PDE4D: variants seen among roughly 807,000 people sequenced by gnomAD.
PDE4D encodes the protein phosphodiesterase 4D.
Under a neutral mutation model 87.4 loss-of-function variants are expected in PDE4D, and 24 were observed. The observed-to-expected ratio is 0.27, with a 90% confidence interval of 0.20 to 0.39. The LOEUF (loss-of-function observed/expected upper bound fraction) is 0.39, where lower values mean the gene tolerates loss of function less well. Ranked by LOEUF, PDE4D falls within the 10% of genes least tolerant of loss-of-function variation. The probability of loss-of-function intolerance (pLI) is 1.00; values close to 1 mark genes in which losing one functional copy is unlikely to be tolerated. For missense variants in PDE4D, 714 were observed against 1,041.0 expected (o/e 0.69, Z 4.32); for synonymous variants, 384 against 383.2 (o/e 1.00, Z -0.02).
At chr5:60,159,350 G>T (rs1038533452) in intron 2 of PDE4D, among the ~76,000 whole-genome samples, 1 of 151,948 alleles carries the variant, frequency 6.6e-6, no homozygotes, top group Non-Finnish European at 1.5e-5. Flanking sequence ...CTAAAACAAT[G>T]ATTAAAAAGT....
intron 1 of PDE4D, among the ~76,000 whole-genome samples, chr5:60,198,181 ACT>A (rs1741493771): frequency 6.6e-6 from 1 of 151,264 alleles, no homozygotes; most frequent in Non-Finnish European, 1.5e-5. Context: ...TTTTCAATAT[ACT>A]CTTTTTCTTT....
At chr5:60,247,473 A>T (rs1334984738) in intron 1 of PDE4D, among the ~76,000 whole-genome samples, 3 of 152,058 alleles carry the variant, frequency 2.0e-5, no homozygotes, top group African/African-American at 7.2e-5. Flanking sequence ...TTTACCAATT[A>T]TGAAACTTTT....
intron 1 of PDE4D, among the ~76,000 whole-genome samples, chr5:59,416,974 T>A (rs1793714315): frequency 6.6e-6 from 1 of 152,190 alleles, no homozygotes; most frequent in Non-Finnish European, 1.5e-5. Flanking sequence ...TGCATGTATG[T>A]ACATACAATA....
chr5:60,192,495 A>C (rs1351960380), intron 1 of PDE4D, among the ~76,000 whole-genome samples: 1 of 152,202 alleles, frequency 6.6e-6, no homozygotes, highest in Non-Finnish European at 1.5e-5. Flanking sequence ...ACTTAAAATA[A>C]TGAAAATCTG....
chr5:59,359,243 T>C (rs1781849802), intron 1 of PDE4D, among the ~76,000 whole-genome samples: 1 of 152,168 alleles, frequency 6.6e-6, no homozygotes, highest in Non-Finnish European at 1.5e-5. Flanking sequence ...GTAAAGGCAG[T>C]CATCTAGAAC....
intron 2 of PDE4D, among the ~76,000 whole-genome samples, chr5:60,042,883 C>A (rs1294008750): frequency 6.6e-5 from 10 of 152,066 alleles, no homozygotes; most frequent in East Asian, 3.9e-4. Flanking sequence ...AATCAGAATG[C>A]CTCTTCTCCA....
intron 1 of PDE4D, among the ~76,000 whole-genome samples, chr5:59,581,943 C>G (rs531598933): frequency 2.6e-5 from 4 of 152,110 alleles, no homozygotes; most frequent in African/African-American, 9.7e-5. Flanking sequence ...CTGACTTTAA[C>G]ATTGAGCCCT....
intron 2 of PDE4D, among the ~76,000 whole-genome samples, chr5:60,090,584 G>A (rs1163946637): frequency 6.6e-6 from 1 of 152,114 alleles, no homozygotes; most frequent in African/African-American, 2.4e-5. Context: ...TCTGAATGGG[G>A]AAAAATGGAA....
chr5:60,125,228 T>C (rs910071661), intron 2 of PDE4D, among the ~76,000 whole-genome samples: 1 of 152,196 alleles, frequency 6.6e-6, no homozygotes, highest in African/African-American at 2.4e-5. Context: ...ATCTCTCCCT[T>C]TCCATTTCAG....
chr5:59,774,682 C>T (rs1458846843), intron 1 of PDE4D, among the ~76,000 whole-genome samples: 41 of 141,302 alleles, frequency 2.9e-4, no homozygotes, highest in African/African-American at 3.3e-4. Flanking sequence ...TTTTTTTTTT[C>T]TTTTTTCTTT....
intron 1 of PDE4D, among the ~76,000 whole-genome samples, chr5:59,848,897 C>T (rs1276067216): frequency 1.3e-5 from 2 of 151,926 alleles, no homozygotes; most frequent in South Asian, 2.1e-4. Flanking sequence ...GAACCTATTT[C>T]GTTGACTGAG....
chr5:59,615,253 G>T (rs756508109), intron 1 of PDE4D, among the ~76,000 whole-genome samples: 13 of 152,090 alleles, frequency 8.5e-5, no homozygotes, highest in African/African-American at 2.4e-4. Flanking sequence ...AAACAGTAAG[G>T]TTTCCTGGGA....
chr5:60,370,056 C>G (rs1247140578), intron 1 of PDE4D, among the ~76,000 whole-genome samples: 1 of 151,918 alleles, frequency 6.6e-6, no homozygotes, highest in Non-Finnish European at 1.5e-5. Context: ...TTAGAGAACC[C>G]CTGCAGGATT....
intron 1 of PDE4D, among the ~76,000 whole-genome samples, chr5:60,215,411 C>T (rs965898896): frequency 6.6e-6 from 1 of 152,056 alleles, no homozygotes; most frequent in Non-Finnish European, 1.5e-5. Context: ...CTGCAAGATG[C>T]ATGGCCTCCA....
chr5:59,699,513 T>C (rs1416733453), intron 1 of PDE4D, among the ~76,000 whole-genome samples: 1 of 152,088 alleles, frequency 6.6e-6, no homozygotes, highest in African/African-American at 2.4e-5. Context: ...CTGCAGGAAA[T>C]TAAGAATGCA....
chr5:59,910,717 G>A (rs1384390123), intron 3 of PDE4D, among the ~76,000 whole-genome samples: 1 of 152,128 alleles, frequency 6.6e-6, no homozygotes, highest in Non-Finnish European at 1.5e-5. Context: ...TATGACTCTG[G>A]TATCACCACC....
At chr5:59,960,096 T>C (rs1310170422) in intron 3 of PDE4D, among the ~76,000 whole-genome samples, 1 of 152,030 alleles carries the variant, frequency 6.6e-6, no homozygotes, top group Non-Finnish European at 1.5e-5. Context: ...CATGAAAATA[T>C]ACTCAATATC....
At chr5:59,674,041 C>G (rs1200761146) in intron 1 of PDE4D, among the ~76,000 whole-genome samples, 4 of 152,084 alleles carry the variant, frequency 2.6e-5, no homozygotes. Context: ...TTTTATTTCT[C>G]TAGTGATGCC....
chr5:60,489,855 T>G (rs1435463808), upstream of PDE4D: 2 of 152,108 alleles, frequency 1.3e-5, no homozygotes, highest in East Asian at 3.9e-4. Context: ...CCCCTTGAAC[T>G]CCCATGTTCA....
Sources: gnomAD v4.1 joint callset for allele counts (sites outside exome capture counted in the v4.1 genomes callset) on GRCh38, gnomAD v4.1.1 for gene constraint, MANE v1.5 for transcripts, NCBI Gene and HGNC (gene_info 2026-07-23, HGNC 2026-07-21) for gene names.